STARD5: variants seen among roughly 807,000 people sequenced by gnomAD.
STARD5 encodes stAR-related lipid transfer protein 5.
STARD5 carries 26 observed loss-of-function variants against 24.6 expected under a neutral mutation model. That is an observed-to-expected ratio of 1.06 (90% CI 0.77 to 1.47). The LOEUF is 1.47. Ranked by LOEUF, STARD5 falls within the 40% of genes most tolerant of loss-of-function variation. The probability of loss-of-function intolerance (pLI) is 0.00; values close to 1 mark genes in which losing one functional copy is unlikely to be tolerated. For missense variants in STARD5, 254 were observed against 270.8 expected (o/e 0.94, Z 0.44); for synonymous variants, 101 against 99.7 (o/e 1.01, Z -0.07).
At chr15:81,320,343 G>A (rs903980950) in intron 3 of STARD5, among the ~76,000 whole-genome samples, 1 of 152,244 alleles carries the variant, frequency 6.6e-6, no homozygotes, top group East Asian at 1.9e-4. Context: ...CGAATGGCAT[G>A]AGATGCATGG....
At chr15:81,322,682 C>T (rs1380317700) in intron 2 of STARD5, 142 bp from the exon 3 acceptor site, 1 of 1,367,392 alleles carries the variant, frequency 7.3e-7, no homozygotes, top group African/African-American at 1.4e-5. Context: ...CTGAAAGTCA[C>T]TAGCCCCGCC....
chr15:81,314,924 C>CTCTTCAA (rs1279044488), intron 5 of STARD5, among the ~76,000 whole-genome samples: 1 of 141,992 alleles, frequency 7.0e-6, no homozygotes, highest in East Asian at 2.1e-4. Context: ...AAGAATCTCA[C>CTCTTCAA]TCTTCAAGTC....
chr15:81,322,522 A>C lies in STARD5; in HGVS notation c.168T>G (p.Ile56Met). 1.9e-6 allele frequency: 3 copies of C among 1,614,076 alleles called. No individual in the cohort carries two copies. Among genetic ancestry groups the C allele is most frequent in the Non-Finnish European group, 1.7e-6 (2 of 1,180,004 alleles). Residue 56 changes from isoleucine to methionine, a missense_variant, in exon 3 of 6, where the codon ATT becomes ATG. Ile to Met is a conservative substitution (Grantham distance 10). Transcript: ENST00000302824. ...FPGNLYRGEG[I>M]VYGTLEEVWD... is the part of the protein sequence containing the mutation. ...ACACCTCCTCTAGTGTCCCATATAC[A>C]ATGCCTTCTCCTCGGTACCTGGAGC... is the stretch of plus-strand genomic sequence containing the variant.
rs1489866379 is a variant in STARD5 at position 81,310,336 on chromosome 15, C to G, written c.*2920G>C. Reference sequence around the variant, plus strand: ...CTCAAAACCCATCTGGGCTCCTAACCTTCCTGTAAACCCCTTTAGTGGCTT... The same window carrying G: ...CTCAAAACCCATCTGGGCTCCTAACGTTCCTGTAAACCCCTTTAGTGGCTT... On this transcript the variant is annotated 3_prime_UTR_variant, in exon 6 of 6. Transcript: ENST00000302824. 6.6e-6 allele frequency: 1 copy of G among 152,216 alleles called. No individual in the cohort carries two copies. Among genetic ancestry groups the G allele is most frequent in the East Asian group, 1.9e-4 (1 of 5,182 alleles). The allele number at this position is 152,216 out of a possible 1,614,324, so 9.4% of individuals were successfully genotyped here.
chr15:81,319,493 G>A, intron 3 of STARD5, 37 bp from the exon 4 acceptor site: 1 of 1,576,678 alleles, frequency 6.3e-7, no homozygotes, highest in Middle Eastern at 1.7e-4. Flanking sequence ...GTGACTGCTG[G>A]CCAGACATCT....
At position 81,313,200 on chromosome 15, in the gene STARD5, C is replaced by T. The variant is rs17875573; in HGVS notation, c.*56G>A. ...GCTCCCAGGCTCCTTGGTGTCCCAA[C>T]AGCTGGAGCTCCTCGATGAGTCACG... On this transcript the variant is annotated 3_prime_UTR_variant, in exon 6 of 6. Transcript: ENST00000302824. 4.8e-5 allele frequency: 71 copies of T among 1,466,368 alleles called. No homozygotes were observed. The African/African-American group carries it at 9.0e-4, about 19-fold the overall frequency. The allele number at this position is 1,466,368 out of a possible 1,614,324, so 90.8% of individuals were successfully genotyped here.
rs200434072 is a variant in STARD5 at position 81,313,336 on chromosome 15, C to T, written c.562G>A (p.Val188Met). The change falls in exon 6 of 6, where the codon GTG (valine) becomes ATG (methionine). Residue 188 changes from valine (V) to methionine (M), a missense_variant. By Grantham distance (21) the Val-to-Met change is conservative. Transcript: ENST00000302824. ...TDLSGYLPQNVVDSFFPRSMT... is the reference protein window; with the variant it reads ...TDLSGYLPQNMVDSFFPRSMT... ...CTGCGGGGGAAGAAGGAGTCCACCA[C>T]GTTCTGTGGGAGGTAACCGCTGAGG... is the stretch of plus-strand genomic sequence containing the variant. The T allele has an allele frequency of 5.8e-5, 92 of 1,577,746 alleles. 1 individual carries two copies. The East Asian group carries it at 8.9e-4, about 15-fold the overall frequency.
intron 5 of STARD5, among the ~76,000 whole-genome samples, chr15:81,315,894 G>A (rs1414669765): frequency 6.6e-6 from 1 of 152,152 alleles, no homozygotes; most frequent in African/African-American, 2.4e-5. Flanking sequence ...GGGAAGCAGG[G>A]CATCATAGCA....
chr15:81,320,893 C>T (rs1005417984), intron 3 of STARD5, among the ~76,000 whole-genome samples: 23 of 152,220 alleles, frequency 1.5e-4, no homozygotes, highest in African/African-American at 5.5e-4. Context: ...GCGACAAACT[C>T]ATGGCATGGC....
At chr15:81,318,277 C>T in intron 5 of STARD5, 132 bp downstream of exon 5, 1 of 717,888 alleles carries the variant, frequency 1.4e-6, no homozygotes, top group Non-Finnish European at 2.4e-6. Flanking sequence ...TTTGTATCGT[C>T]ACAATCTAAA....
chr15:81,321,604 G>A (rs1002378831), intron 3 of STARD5, among the ~76,000 whole-genome samples: 3 of 99,640 alleles, frequency 3.0e-5, no homozygotes, highest in African/African-American at 5.6e-5. Context: ...GTGAGATTCC[G>A]TCTCAAAAAA....
chr15:81,322,345 G>A (rs2141678511), intron 3 of STARD5, 63 bp downstream of exon 3: 2 of 1,603,484 alleles, frequency 1.2e-6, no homozygotes, highest in Non-Finnish European at 1.7e-6. Context: ...AGAAGAAATG[G>A]GAGGGGGTTA....
intron 4 of STARD5, among the ~76,000 whole-genome samples, chr15:81,318,717 CACAG>C (rs753759276): frequency 2.1e-4 from 32 of 151,560 alleles, no homozygotes; most frequent in Admixed American, 1.4e-3. Flanking sequence ...CAAACTCACA[CACAG>C]ACACACACAC....
At position 81,311,933 on chromosome 15, in the gene STARD5, C is replaced by A. The variant is rs1900877372; in HGVS notation, c.*1323G>T. 1 of 152,222 alleles carries A rather than the reference C, an allele frequency of 6.6e-6. No homozygotes were observed. Among genetic ancestry groups the A allele is most frequent in the Non-Finnish European group, 1.5e-5 (1 of 68,048 alleles). 9.4% of individuals were successfully genotyped at this position (152,222 alleles called of 1,614,324 possible). A position where few individuals can be genotyped will look rare whatever the true frequency, so the allele number is the denominator to read the frequency against. On this transcript the variant is annotated 3_prime_UTR_variant, in exon 6 of 6. Transcript: ENST00000302824. ...GTCATGTTTTAAAGCTTGCTCACAT[C>A]TTGGCACATTTAAGAGACAGTCACC...
intron 5 of STARD5, among the ~76,000 whole-genome samples, chr15:81,317,414 G>A (rs191332694): frequency 4.6e-5 from 7 of 152,306 alleles, no homozygotes; most frequent in African/African-American, 1.7e-4. Context: ...GAGAGGACAA[G>A]GAAATGAGCC....
At chr15:81,314,267 A>G (rs1901021516) in intron 5 of STARD5, among the ~76,000 whole-genome samples, 1 of 152,170 alleles carries the variant, frequency 6.6e-6, no homozygotes, top group African/African-American at 2.4e-5. Context: ...AGCACCTATG[A>G]AGGGATTTTG....
intron 4 of STARD5, 59 bp from the exon 5 acceptor site, chr15:81,318,561 T>C (rs4617815): frequency 0.22 from 332,112 of 1,489,344 alleles, 44,853 homozygotes; most frequent in African/African-American, 0.51. Flanking sequence ...GTCACTGCCA[T>C]TGGGGTGCCA....
intron 3 of STARD5, among the ~76,000 whole-genome samples, chr15:81,321,439 G>A (rs941300766): frequency 2.6e-5 from 4 of 151,834 alleles, no homozygotes; most frequent in Non-Finnish European, 4.4e-5. Context: ...GTGAAACTCC[G>A]TCTCTACCAA....
At chr15:81,313,642 C>G in intron 5 of STARD5, 1 of 325,160 alleles carries the variant, frequency 3.1e-6, no homozygotes, top group Admixed American at 5.0e-5. Flanking sequence ...AGGAAGAAGT[C>G]CCTACTCCCA....
Sources: gnomAD v4.1 joint callset for allele counts (sites outside exome capture counted in the v4.1 genomes callset) on GRCh38, gnomAD v4.1.1 for gene constraint, MANE v1.5 for transcripts, NCBI Gene and HGNC (gene_info 2026-07-23, HGNC 2026-07-21) for gene names.